Variants in METTL25 observed in about 807,000 individuals in gnomAD.
The protein encoded by METTL25 is methyltransferase like 25.
METTL25 carries 64 observed loss-of-function variants against 71.6 expected under a neutral mutation model. The ratio of observed to expected loss-of-function variants is 0.89; its 90% CI spans 0.73 to 1.10. The LOEUF (loss-of-function observed/expected upper bound fraction) is 1.10, where lower values mean the gene tolerates loss of function less well. METTL25 is among the 50% of genes least tolerant of loss of function. The pLI, the probability that METTL25 is intolerant of heterozygous loss-of-function variation, is 0.00. For synonymous variants in METTL25, 287 were observed against 250.3 expected (o/e 1.15, Z -1.38); for missense variants, 807 against 707.0 (o/e 1.14, Z -1.60).
At chr12:82,457,881 C>T (rs774063474) in intron 9 of METTL25, among the ~76,000 whole-genome samples, 1 of 151,938 alleles carries the variant, frequency 6.6e-6, no homozygotes, top group Non-Finnish European at 1.5e-5. Context: ...GGATTATTTT[C>T]TAGGTTATTT....
At chr12:82,393,603 C>G (rs1353181522) in intron 3 of METTL25, among the ~76,000 whole-genome samples, 1 of 151,850 alleles carries the variant, frequency 6.6e-6, no homozygotes, top group African/African-American at 2.4e-5. Context: ...AATTTGGATG[C>G]CTTTTATATC....
chr12:82,477,723 A>G (rs975656321), intron 11 of METTL25, among the ~76,000 whole-genome samples: 1 of 151,674 alleles, frequency 6.6e-6, no homozygotes, highest in Non-Finnish European at 1.5e-5. Flanking sequence ...TCACTTTTGG[A>G]GTGTTGGCCA....
At chr12:82,405,556 T>C (rs1257885033) in intron 5 of METTL25, among the ~76,000 whole-genome samples, 1 of 152,194 alleles carries the variant, frequency 6.6e-6, no homozygotes, top group Non-Finnish European at 1.5e-5. Flanking sequence ...AGTTACTCCT[T>C]GCTAATCCAT....
At chr12:82,466,639 G>T (rs1001280754) in intron 9 of METTL25, among the ~76,000 whole-genome samples, 11 of 152,012 alleles carry the variant, frequency 7.2e-5, no homozygotes, top group African/African-American at 1.7e-4. Flanking sequence ...AATCTAATGG[G>T]TTTTTTCTGT....
At chr12:82,437,637 T>C (rs553355192) in intron 7 of METTL25, among the ~76,000 whole-genome samples, 1 of 151,824 alleles carries the variant, frequency 6.6e-6, no homozygotes, top group South Asian at 2.1e-4. Context: ...AACATATTTA[T>C]TCTAGTTGAA....
chr12:82,427,874 AAAAT>A (rs1245737609), intron 5 of METTL25, among the ~76,000 whole-genome samples: 4 of 152,000 alleles, frequency 2.6e-5, no homozygotes, highest in Non-Finnish European at 2.9e-5. Flanking sequence ...ATTTAAATGT[AAAAT>A]AGATTTAGGA....
chr12:82,363,095 G>T (rs143879074), intron 1 of METTL25, among the ~76,000 whole-genome samples: 183 of 152,198 alleles, frequency 1.2e-3, no homozygotes, highest in African/African-American at 4.4e-3. Flanking sequence ...AATTTAAGAC[G>T]TACATTCTGG....
chr12:82,366,702 G>C (rs1411922390), intron 1 of METTL25, among the ~76,000 whole-genome samples: 1 of 152,066 alleles, frequency 6.6e-6, no homozygotes, highest in African/African-American at 2.4e-5. Flanking sequence ...AACACATGAA[G>C]GCAGAAAGTA....
chr12:82,369,519 A>G (rs4882541), intron 1 of METTL25: 424,627 of 447,088 alleles, frequency 0.95, 202,191 homozygotes, highest in East Asian at 1. Flanking sequence ...TGGTGGGTTC[A>G]TGGTCCTGCT....
rs189031079 is a variant in METTL25 at position 82,447,634 on chromosome 12, C to T, written c.1478+8843C>T. 9.2e-5 allele frequency among the ~76,000 whole-genome samples: 14 copies of T among 152,032 alleles called. No individual in the cohort carries two copies. The East Asian group carries it at 1.7e-3, about 19-fold the overall frequency. On this transcript the variant is annotated intron_variant, in intron 8 of 11. Coordinates refer to ENST00000248306, the MANE Select transcript of METTL25 (RefSeq NM_032230.3). ...ATGTCATAGTTTCCTGTGGGAGTTG[C>T]GGGGAGCAGTGGATTATTAGGCAGA...
At chr12:82,360,839 G>A (rs553902849) in intron 1 of METTL25, among the ~76,000 whole-genome samples, 20 of 152,208 alleles carry the variant, frequency 1.3e-4, no homozygotes, top group Admixed American at 3.3e-4. Flanking sequence ...TCTTAAAGGC[G>A]GCGTGTCCAG....
intron 3 of METTL25, among the ~76,000 whole-genome samples, chr12:82,398,123 GT>G (rs1886243451): frequency 6.6e-6 from 1 of 151,384 alleles, no homozygotes. Context: ...CAATTTTTTA[GT>G]TTTTTATGCA....
At chr12:82,416,379 C>T (rs1430557031) in intron 5 of METTL25, among the ~76,000 whole-genome samples, 2 of 151,038 alleles carry the variant, frequency 1.3e-5, no homozygotes, top group Admixed American at 1.3e-4. Flanking sequence ...GTTTATTCTT[C>T]ATTATTTTAT....
chr12:82,415,009 A>G (rs1422476449), intron 5 of METTL25, among the ~76,000 whole-genome samples: 1 of 152,098 alleles, frequency 6.6e-6, no homozygotes, highest in Admixed American at 6.6e-5. Context: ...AAATTATTTT[A>G]TCAAGCATAA....
intron 5 of METTL25, among the ~76,000 whole-genome samples, chr12:82,414,059 A>G (rs763342282): frequency 3.3e-5 from 5 of 152,010 alleles, no homozygotes; most frequent in Non-Finnish European, 5.9e-5. Flanking sequence ...TCAGTGAGGA[A>G]CTATCAGGAT....
chr12:82,398,842 C>T lies in METTL25; in HGVS notation c.579C>T (p.Ser193=). The T allele has an allele frequency of 6.3e-7, 1 of 1,581,716 alleles. No individual in the cohort carries two copies. The highest frequency in any genetic ancestry group is 8.5e-7 in the Non-Finnish European group (1 of 1,170,470). Reference sequence around the variant, plus strand: ...AAGGCTACCTAAGCTCTTTTTTGTCCTTGAAGTATGGCTTAAAAGTTTATG... The same window carrying T: ...AAGGCTACCTAAGCTCTTTTTTGTCTTTGAAGTATGGCTTAAAAGTTTATG... The part of the protein sequence containing the change: ...SGKGYLSSFL[S]LKYGLKVYGI... Residue 193 remains serine (S), a synonymous_variant, in exon 4 of 12, where the codon TCC becomes TCT. Transcript: ENST00000248306.
intron 1 of METTL25, among the ~76,000 whole-genome samples, chr12:82,383,347 C>G (rs1055216021): frequency 6.6e-6 from 1 of 151,420 alleles, no homozygotes; most frequent in African/African-American, 2.4e-5. Context: ...GCTTGATTTT[C>G]TTTGTTTGTC....
At chr12:82,456,467 T>C (rs112898251) in intron 8 of METTL25, among the ~76,000 whole-genome samples, 2 of 152,070 alleles carry the variant, frequency 1.3e-5, no homozygotes, top group African/African-American at 4.8e-5. Context: ...CTTTTAAAAA[T>C]GAGGCTTTTT....
chr12:82,371,328 C>T (rs4460874), intron 1 of METTL25, among the ~76,000 whole-genome samples: 140,779 of 152,324 alleles, frequency 0.92, 65,378 homozygotes, highest in East Asian at 1. Flanking sequence ...GTTGGGGCCT[C>T]CTGGCCCGGA....
Sources: allele counts gnomAD v4.1 joint callset (sites outside exome capture counted in the v4.1 genomes callset), GRCh38; gene constraint gnomAD v4.1.1; transcripts MANE v1.5; gene names NCBI Gene and HGNC (gene_info 2026-07-23, HGNC 2026-07-21).